The following MICAL2 variants were observed in gnomAD, a reference collection of about 807,000 sequenced individuals.
MICAL2 encodes microtubule associated monooxygenase, calponin and LIM domain containing 2, also known as [F-actin]-monooxygenase MICAL2.
Under a neutral mutation model 127.3 loss-of-function variants are expected in MICAL2, and 77 were observed. That is an observed-to-expected ratio of 0.60 (90% CI 0.50 to 0.73). MICAL2 has a LOEUF of 0.73. Among genes scored for constraint, MICAL2 ranks in the 30% least tolerant of loss-of-function variants. The pLI, the probability that MICAL2 is intolerant of heterozygous loss-of-function variation, is 0.00. For synonymous variants in MICAL2, 570 were observed against 551.1 expected, an observed-to-expected ratio of 1.03 and a Z score of -0.48; for missense variants, 1,351 against 1,434.4, an observed-to-expected ratio of 0.94 and a Z score of 0.94.
intron 29 of MICAL2, among the ~76,000 whole-genome samples, chr11:12,319,450 T>TC (rs1555021322): frequency 0.017 from 2,551 of 151,180 alleles, 80 homozygotes; most frequent in African/African-American, 0.059. Flanking sequence ...GTTTTTTCTT[T>TC]TTTTTTTTTA....
chr11:12,292,352 C>T (rs1435848957), downstream of MICAL2: 4 of 1,567,916 alleles, frequency 2.6e-6, no homozygotes, highest in Non-Finnish European at 3.5e-6. Context: ...TACCTGTACT[C>T]TTCCCACCTT....
downstream of MICAL2, chr11:12,294,188 C>G: frequency 6.2e-7 from 1 of 1,613,992 alleles, no homozygotes; most frequent in East Asian, 2.2e-5. Context: ...GATGGGGACC[C>G]CTGCGGAACA....
At chr11:12,148,735 G>A (rs1323147702) in intron 2 of MICAL2, among the ~76,000 whole-genome samples, 3 of 152,246 alleles carry the variant, frequency 2.0e-5, no homozygotes, top group Non-Finnish European at 4.4e-5. Context: ...AGGTGAGGTA[G>A]GAGGGGCCAC....
chr11:12,211,524 T>G (rs1448892326), intron 6 of MICAL2, among the ~76,000 whole-genome samples: 2 of 152,208 alleles, frequency 1.3e-5, no homozygotes, highest in Non-Finnish European at 2.9e-5. Context: ...GGAAAGGTTA[T>G]GTCTGGAGGT....
intron 25 of MICAL2, among the ~76,000 whole-genome samples, chr11:12,259,441 T>G (rs1862800709): frequency 6.6e-6 from 1 of 152,252 alleles, no homozygotes; most frequent in Non-Finnish European, 1.5e-5. Flanking sequence ...ACTTCTGTAT[T>G]ACTGGATCTT....
chr11:12,125,455 C>A (rs911771214), intron 1 of MICAL2, among the ~76,000 whole-genome samples: 10 of 152,170 alleles, frequency 6.6e-5, no homozygotes, highest in African/African-American at 9.7e-5. Context: ...GGGGTTTCAC[C>A]ATGTTAGCCA....
In MICAL2 at chr11:12,258,511, T is replaced by C. The variant is rs753523305; in HGVS notation, c.3186T>C (p.Asn1062=). Residue 1062 remains asparagine, a synonymous_variant, in exon 25 of 28, where the codon AAT becomes AAC. Coordinates refer to ENST00000683283, the MANE Select transcript of MICAL2 (RefSeq NM_001282663.2). The part of the protein sequence containing the change: ...CKPHFIHCKT[N]SKQRKRRAEL... The stretch of plus-strand genomic sequence containing the variant: ...CTCACTTCATTCACTGTAAAACCAA[T>C]AGCAAACAACGGAAGAGACGGGCAG... The C allele has an allele frequency of 3.3e-5, 53 of 1,614,148 alleles. No homozygotes were observed. The East Asian group carries it at 1.1e-3, about 33-fold the overall frequency.
At chr11:12,221,803 C>A in intron 10 of MICAL2, 44 bp downstream of exon 10, 1 of 1,537,322 alleles carries the variant, frequency 6.5e-7, no homozygotes. Context: ...GCAGGGCACT[C>A]AGGCAGGAAA....
intron 29 of MICAL2, among the ~76,000 whole-genome samples, chr11:12,305,276 G>C (rs1465362018): frequency 2.0e-5 from 3 of 152,170 alleles, no homozygotes; most frequent in African/African-American, 7.2e-5. Context: ...GCAAGAGAAA[G>C]CATGTGCGAG....
intron 3 of MICAL2, 151 bp from the exon 4 acceptor site, chr11:12,204,099 A>T (rs1854366899): frequency 1.4e-6 from 1 of 702,466 alleles, no homozygotes; most frequent in Non-Finnish European, 2.4e-6. Context: ...CATTGGGTGG[A>T]TGAATGACAG....
intron 7 of MICAL2, among the ~76,000 whole-genome samples, chr11:12,214,823 T>TCA (rs72173748): frequency 0.046 from 6,829 of 149,162 alleles, 274 homozygotes; most frequent in African/African-American, 0.11. Context: ...AGCTGGTCCA[T>TCA]CACACACACA....
At chr11:12,125,642 G>A (rs1004135465) in intron 1 of MICAL2, among the ~76,000 whole-genome samples, 1 of 152,150 alleles carries the variant, frequency 6.6e-6, no homozygotes, top group African/African-American at 2.4e-5. Context: ...GCAGAGAAGT[G>A]TGTCTAGTCT....
rs1167159004 is a variant in MICAL2 at position 12,236,203 on chromosome 11, C to T, written c.2022C>T (p.Asp674=). The stretch of plus-strand genomic sequence containing the variant: ...TGGATGGTCAAACCGGAGAGAATGA[C>T]ATGAACAAACGGAGACGGAAGGGCT... The part of the protein sequence containing the change: ...PRVDGQTGEN[D]MNKRRRKGFT... Residue 674 remains aspartate, a synonymous_variant, in exon 16 of 28, where the codon GAC becomes GAT. Coordinates refer to ENST00000683283, the MANE Select transcript of MICAL2 (RefSeq NM_001282663.2). 1 of 1,614,200 alleles carries T rather than the reference C, an allele frequency of 6.2e-7. No individual in the cohort carries two copies. The highest frequency in any genetic ancestry group is 1.1e-5 in the South Asian group (1 of 91,086).
At chr11:12,355,061 C>G (rs975857368) in intron 34 of MICAL2, among the ~76,000 whole-genome samples, 5 of 152,198 alleles carry the variant, frequency 3.3e-5, no homozygotes, top group African/African-American at 1.2e-4. Flanking sequence ...GTGCTTTCCC[C>G]CATCCCAAGT....
At chr11:12,207,764 G>A (rs755643499) in intron 4 of MICAL2, 17 of 369,288 alleles carry the variant, frequency 4.6e-5, no homozygotes, top group South Asian at 1.5e-4. Flanking sequence ...GCTCTGTGTC[G>A]CCTTGAGCAA....
At chr11:12,185,568 G>C (rs1858126975) in intron 3 of MICAL2, among the ~76,000 whole-genome samples, 1 of 152,160 alleles carries the variant, frequency 6.6e-6, no homozygotes, top group South Asian at 2.1e-4. Flanking sequence ...TCTGATGTGT[G>C]TTAGGTGTTA....
rs1456047814 is a variant in MICAL2 at position 12,258,569 on chromosome 11, C to G, written c.3231+13C>G. 8.1e-6 allele frequency: 13 copies of G among 1,609,802 alleles called. No individual in the cohort carries two copies. The highest frequency in any genetic ancestry group is 1.1e-5 in the Non-Finnish European group (13 of 1,177,016). On this transcript the variant is annotated intron_variant, in intron 25 of 27. Transcript: ENST00000683283. Reference sequence around the variant, plus strand: ...GCAACAAAGAGAGGTATGTTTGTCTCAAACATGCTGGTGAAACGGGGAAGG... The same window carrying G: ...GCAACAAAGAGAGGTATGTTTGTCTGAAACATGCTGGTGAAACGGGGAAGG...
intron 29 of MICAL2, among the ~76,000 whole-genome samples, chr11:12,311,033 T>C (rs1166997922): frequency 6.6e-6 from 1 of 152,220 alleles, no homozygotes; most frequent in Non-Finnish European, 1.5e-5. Context: ...ATATATTGAT[T>C]TTGTATCCTG....
downstream of MICAL2, chr11:12,294,496 C>A (rs1429274029): frequency 6.2e-7 from 1 of 1,614,218 alleles, no homozygotes; most frequent in South Asian, 1.1e-5. Flanking sequence ...CATCCAAGGT[C>A]TTTCCTGCAC....
Sources: gnomAD v4.1 joint callset for allele counts (sites outside exome capture counted in the v4.1 genomes callset) on GRCh38, gnomAD v4.1.1 for gene constraint, MANE v1.5 for transcripts, NCBI Gene and HGNC (gene_info 2026-07-23, HGNC 2026-07-21) for gene names.